The following SDHAF4 variants were observed in gnomAD, a reference collection of about 807,000 sequenced individuals.
SDHAF4 encodes the protein succinate dehydrogenase assembly factor 4, mitochondrial.
Under a neutral mutation model 14.3 loss-of-function variants are expected in SDHAF4, and 14 were observed. The observed-to-expected ratio is 0.98, with a 90% CI of 0.65 to 1.53. The LOEUF (loss-of-function observed/expected upper bound fraction) is 1.53, where lower values mean the gene tolerates loss of function less well. SDHAF4 is among the 40% of genes most tolerant of loss of function. The pLI, the probability that SDHAF4 is intolerant of heterozygous loss-of-function variation, is 0.00. For missense variants in SDHAF4, 141 were observed against 129.3 expected (o/e 1.09, Z -0.44); for synonymous variants, 63 against 47.3 (o/e 1.33, Z -1.36).
At position 70,571,548 on chromosome 6, in the gene SDHAF4, C is replaced by T. The variant is rs866617644; in HGVS notation, c.64+4544C>T. Among the ~76,000 whole-genome samples, 6 of 152,234 alleles carry T rather than the reference C, an allele frequency of 3.9e-5. No individual in the cohort carries two copies. The South Asian group carries it at 8.3e-4, about 21-fold the overall frequency. ...CAGGCTGATCTCAAACTTCTGACCT[C>T]GTGATATGCCTGCCTTGGCCTCCCA... On this transcript the variant is annotated intron_variant, in intron 1 of 2. Coordinates refer to ENST00000370474, the MANE Select transcript of SDHAF4 (RefSeq NM_145267.3).
the SDHAF4 span, chr6:70,596,423 C>T: frequency 6.6e-6 from 1 of 152,258 alleles, no homozygotes; most frequent in Non-Finnish European, 1.5e-5. Flanking sequence ...CCTTCACTCT[C>T]TCCTTCACAG....
chr6:70,587,970 C>T (rs756082787), intron 2 of SDHAF4, among the ~76,000 whole-genome samples: 2 of 152,244 alleles, frequency 1.3e-5, no homozygotes, highest in Non-Finnish European at 2.9e-5. Flanking sequence ...AAACCCTTTA[C>T]ATGTATTACC....
At chr6:70,598,367 A>C in the SDHAF4 span, among the ~76,000 whole-genome samples, 1 of 152,222 alleles carries the variant, frequency 6.6e-6, no homozygotes, top group Non-Finnish European at 1.5e-5. Flanking sequence ...CAACACAGTG[A>C]GACTCTGTCT....
intron 2 of SDHAF4, among the ~76,000 whole-genome samples, chr6:70,584,557 T>C (rs1765175962): frequency 6.6e-6 from 1 of 152,202 alleles, no homozygotes; most frequent in Admixed American, 6.5e-5. Flanking sequence ...TTCTGTTGTA[T>C]TAGTTCTAAA....
intron 2 of SDHAF4, among the ~76,000 whole-genome samples, chr6:70,581,740 T>C (rs556450440): frequency 6.6e-6 from 1 of 152,206 alleles, no homozygotes; most frequent in Admixed American, 6.5e-5. Flanking sequence ...CCTGAGTAAG[T>C]GAGACCACAG....
Position 70,568,967 on chromosome 6 carries a change from T to TC in SDHAF4, c.64+1963_64+1964insC, listed in dbSNP as rs1195383772. Among the ~76,000 whole-genome samples the TC allele has an allele frequency of 7.0e-3, 905 of 128,990 alleles. 5 individuals carry two copies. Among genetic ancestry groups the TC allele is most frequent in the Non-Finnish European group, 8.7e-3 (550 of 63,186 alleles). 84.6% of individuals were successfully genotyped at this position (128,990 alleles called of 152,430 possible). ...GAAATACCTCTTTCTTTTTTCTTTT[T>TC]TTTTTTTTTTTTTTTTGAGGCGGAG... On this transcript the variant is annotated intron_variant, in intron 1 of 2. Transcript: ENST00000370474.
intron 2 of SDHAF4, among the ~76,000 whole-genome samples, chr6:70,583,458 A>G (rs1401831094): frequency 2.6e-5 from 4 of 152,194 alleles, no homozygotes; most frequent in Admixed American, 6.5e-5. Context: ...GTGAGGAGAC[A>G]TTTCAAAATA....
At chr6:70,586,685 G>A (rs894064452) in intron 2 of SDHAF4, among the ~76,000 whole-genome samples, 2 of 151,740 alleles carry the variant, frequency 1.3e-5, no homozygotes, top group Admixed American at 6.6e-5. Flanking sequence ...AAACAGCAAT[G>A]GATAAAACAC....
At position 70,576,062 on chromosome 6, in the gene SDHAF4, A is replaced by G. The variant is rs1489595759; in HGVS notation, c.65-3352A>G. Reference sequence around the variant, plus strand: ...GAGTGGTCCTTGGGCTTAGCTCCTCATCTGACACGCCCTTGTTTCTTTTGC... The same window carrying G: ...GAGTGGTCCTTGGGCTTAGCTCCTCGTCTGACACGCCCTTGTTTCTTTTGC... On this transcript the variant is annotated intron_variant, in intron 1 of 2. Coordinates refer to ENST00000370474, the MANE Select transcript of SDHAF4 (RefSeq NM_145267.3). Among the ~76,000 whole-genome samples the G allele has an allele frequency of 2.6e-5, 4 of 152,306 alleles. No individual in the cohort carries two copies. The East Asian group carries it at 7.7e-4, about 29-fold the overall frequency.
intron 1 of SDHAF4, among the ~76,000 whole-genome samples, chr6:70,571,073 C>A (rs745399462): frequency 5.3e-5 from 8 of 150,582 alleles, no homozygotes; most frequent in Non-Finnish European, 8.9e-5. Context: ...AAGTCTGTTT[C>A]TATGTAGAGT....
rs70990317 is a variant in SDHAF4, at chr6:70,588,842, A to AATATATATATATATAT, written c.*132_*133insATATATATATATATAT. ...TCGTGTAGTTTGTATAATGTGTTTA[A>AATATATATATATATAT]ATATATATATATATGATGGCTTTGG... is the stretch of plus-strand genomic sequence containing the variant. On this transcript the variant is annotated 3_prime_UTR_variant, in exon 3 of 3. Coordinates refer to ENST00000370474, the MANE Select transcript of SDHAF4 (RefSeq NM_145267.3). 621 of 342,944 alleles carry AATATATATATATATAT rather than the reference A, an allele frequency of 1.8e-3. 7 individuals carry two copies. The highest frequency in any genetic ancestry group is 0.011 in the African/African-American group (490 of 42,918). The allele number at this position is 342,944 out of a possible 1,614,324, so 21.2% of individuals were successfully genotyped here.
intron 1 of SDHAF4, 89 bp downstream of exon 1, chr6:70,567,093 T>A: frequency 7.6e-7 from 1 of 1,322,852 alleles, no homozygotes; most frequent in Non-Finnish European, 1.0e-6. Flanking sequence ...GGAAGCCGCG[T>A]GTGTCCTGGC....
At chr6:70,574,506 C>A (rs1802226054) in intron 1 of SDHAF4, among the ~76,000 whole-genome samples, 1 of 152,118 alleles carries the variant, frequency 6.6e-6, no homozygotes, top group Non-Finnish European at 1.5e-5. Context: ...TGTCTTTCTT[C>A]TAGTTCCTTG....
chr6:70,582,313 C>T (rs1199616219), intron 2 of SDHAF4, among the ~76,000 whole-genome samples: 1 of 152,146 alleles, frequency 6.6e-6, no homozygotes, highest in Non-Finnish European at 1.5e-5. Flanking sequence ...GATCTTCCCA[C>T]CTCAGCCTCC....
In SDHAF4 at chr6:70,566,989, G is replaced by A; in HGVS notation, c.49G>A (p.Ala17Thr). The part of the protein sequence containing the change: ...PWLLSWVSAT[A>T]WRAARSPLLC... Reference sequence around the variant, plus strand: ...GTTGCTTAGCTGGGTCTCGGCCACGGCGTGGAGAGCGGCAAGTAAGCACCT... The same window carrying A: ...GTTGCTTAGCTGGGTCTCGGCCACGACGTGGAGAGCGGCAAGTAAGCACCT... Residue 17 changes from alanine to threonine, a missense_variant, in exon 1 of 3, where the codon GCG becomes ACG. By Grantham distance (58) the Ala-to-Thr change is moderately conservative. Transcript: ENST00000370474. 6.3e-7 allele frequency: 1 copy of A among 1,589,862 alleles called. No individual in the cohort carries two copies.
downstream of SDHAF4, among the ~76,000 whole-genome samples, chr6:70,592,893 C>G (rs2128537018): frequency 6.6e-6 from 1 of 152,318 alleles, no homozygotes; most frequent in East Asian, 1.9e-4. Context: ...GCCAGAGATT[C>G]ATCAGGACAA....
Position 70,579,438 on chromosome 6 carries a change from TG to T in SDHAF4, c.90del (p.Arg31GlyfsTer36). The T allele has an allele frequency of 6.2e-7, 1 of 1,606,378 alleles. No individual in the cohort carries two copies. The highest frequency in any genetic ancestry group is 1.1e-5 in the South Asian group (1 of 89,772). ...AARSPLLCHS[L>X]RKTSSSQGGK... The stretch of plus-strand genomic sequence containing the variant: ...GGATCACCCCTTCTGTGTCATTCTC[TG>T]AGGAAAACAAGTTCTTCTCAAGGAG... On this transcript the variant is annotated frameshift_variant, in exon 2 of 3. Transcript: ENST00000370474. LOFTEE classifies it high-confidence loss of function.
intron 1 of SDHAF4, among the ~76,000 whole-genome samples, chr6:70,578,711 G>A (rs1802285894): frequency 6.6e-6 from 1 of 152,096 alleles, no homozygotes; most frequent in Non-Finnish European, 1.5e-5. Context: ...TACAGTTTGA[G>A]GTCTTACATT....
chr6:70,579,384 C>T (rs774907417), intron 1 of SDHAF4, 30 bp from the exon 2 acceptor site: 2 of 1,402,762 alleles, frequency 1.4e-6, no homozygotes, highest in South Asian at 3.7e-5. Flanking sequence ...ATGAACAGCT[C>T]CTATTTTTCT....
Sources: allele counts gnomAD v4.1 joint callset (sites outside exome capture counted in the v4.1 genomes callset), GRCh38; gene constraint gnomAD v4.1.1; transcripts MANE v1.5; gene names NCBI Gene and HGNC (gene_info 2026-07-23, HGNC 2026-07-21).